Variants in ARNT observed in about 807,000 individuals in gnomAD.
ARNT encodes class E basic helix-loop-helix protein 2.
Under a neutral mutation model 105.0 loss-of-function variants are expected in ARNT, and 30 were observed. The observed-to-expected ratio is 0.29, with a 90% CI of 0.21 to 0.39. ARNT has a LOEUF of 0.39. Ranked by LOEUF, ARNT falls within the 10% of genes least tolerant of loss-of-function variation. The pLI, the probability that ARNT is intolerant of heterozygous loss-of-function variation, is 1.00. For synonymous variants in ARNT, 304 were observed against 344.0 expected (o/e 0.88, Z 1.29); for missense variants, 748 against 978.7 (o/e 0.76, Z 3.15).
At chr1:150,862,763 A>G (rs182481225) in intron 1 of ARNT, among the ~76,000 whole-genome samples, 1 of 149,878 alleles carries the variant, frequency 6.7e-6, no homozygotes, top group Admixed American at 6.7e-5. Flanking sequence ...ATACGTTTAT[A>G]TAGGATATAA....
At chr1:150,844,040 A>G (rs899198122) in intron 4 of ARNT, among the ~76,000 whole-genome samples, 28 of 152,370 alleles carry the variant, frequency 1.8e-4, no homozygotes, top group African/African-American at 6.5e-4. Context: ...CATTCATGCG[A>G]TGTTTTCATG....
chr1:150,834,868 G>T, intron 7 of ARNT: 1 of 456,162 alleles, frequency 2.2e-6, no homozygotes, highest in East Asian at 3.9e-5. Context: ...AAATAACATT[G>T]TGCAAGGAAA....
At chr1:150,849,586 G>C (rs1662931130) in intron 3 of ARNT, among the ~76,000 whole-genome samples, 1 of 151,878 alleles carries the variant, frequency 6.6e-6, no homozygotes, top group Non-Finnish European at 1.5e-5. Context: ...AGGAGTTTAA[G>C]ACCAGCCTGG....
rs1340584344 is a variant in ARNT at position 150,809,719 on chromosome 1, T to A, written c.*2302A>T. 9.9e-6 allele frequency: 2 copies of A among 201,312 alleles called. No individual in the cohort carries two copies. Among genetic ancestry groups the A allele is most frequent in the Non-Finnish European group, 2.0e-5 (2 of 98,364 alleles). The allele number at this position is 201,312 out of a possible 1,614,324, so 12.5% of individuals were successfully genotyped here. A position where few individuals can be genotyped will look rare whatever the true frequency, so the allele number is the denominator to read the frequency against. On this transcript the variant is annotated 3_prime_UTR_variant, in exon 22 of 22. Coordinates refer to ENST00000358595, the MANE Select transcript of ARNT (RefSeq NM_001668.4). ...CAGGTCCAGACTTGAACAGTTTAAA[T>A]TTCACTCATTTTAATCCAGAAAAGG...
intron 1 of ARNT, among the ~76,000 whole-genome samples, chr1:150,860,787 G>A (rs1665498004): frequency 6.6e-6 from 1 of 151,750 alleles, no homozygotes; most frequent in Non-Finnish European, 1.5e-5. Context: ...AACCCAGGAG[G>A]CGGAGACTGC....
At position 150,810,240 on chromosome 1, in the gene ARNT, C is replaced by T. The variant is rs900744150; in HGVS notation, c.*1781G>A. On this transcript the variant is annotated 3_prime_UTR_variant, in exon 22 of 22. Transcript: ENST00000358595. ...CAAAAATAAAACCCTGAAGGAAAAG[C>T]AAAAACAAAACCCCCAGAGCATCTT... The T allele has an allele frequency of 8.6e-6, 2 of 232,856 alleles. No homozygotes were observed. Among genetic ancestry groups the T allele is most frequent in the African/African-American group, 4.4e-5 (2 of 45,248 alleles). 14.4% of individuals were successfully genotyped at this position (232,856 alleles called of 1,614,324 possible). A position where few individuals can be genotyped will look rare whatever the true frequency, so the allele number is the denominator to read the frequency against.
chr1:150,858,766 C>A (rs997111845), intron 1 of ARNT, among the ~76,000 whole-genome samples: 1 of 151,576 alleles, frequency 6.6e-6, no homozygotes, highest in Non-Finnish European at 1.5e-5. Context: ...GGACTATAGG[C>A]CCGCACTACC....
chr1:150,822,108 A>AT (rs1321316170), intron 14 of ARNT, among the ~76,000 whole-genome samples: 4 of 151,710 alleles, frequency 2.6e-5, no homozygotes, highest in Non-Finnish European at 4.4e-5. Flanking sequence ...ACTTTTTCTA[A>AT]TTTTTTCAAT....
chr1:150,812,597 A>G (rs1654960143), intron 21 of ARNT: 1 of 152,928 alleles, frequency 6.5e-6, no homozygotes. Flanking sequence ...AATTTTTTAA[A>G]TGGAACACTT....
chr1:150,832,719 A>G (rs957862276), intron 8 of ARNT, among the ~76,000 whole-genome samples: 1 of 152,224 alleles, frequency 6.6e-6, no homozygotes, highest in African/African-American at 2.4e-5. Context: ...CTCTAGCATT[A>G]TAGCATGAAA....
chr1:150,817,424 T>C lies in ARNT; in HGVS notation c.1515A>G (p.Gln505=), dbSNP rs768720779. 1 of 1,614,196 alleles carries C rather than the reference T, an allele frequency of 6.2e-7. No homozygotes were observed. Among genetic ancestry groups the C allele is most frequent in the South Asian group, 1.1e-5 (1 of 91,078 alleles). ...GTACCATGTCCAATTCTGTTTGCTG[T>C]TGCTGCTGCCTATATGTCAAAGGCC... ...GSGQLAPRQQ[Q]QQTELDMVPG... The change falls in exon 16 of 22, where the codon CAA becomes CAG. Residue 505 remains glutamine, a synonymous_variant. Transcript: ENST00000358595.
intron 4 of ARNT, among the ~76,000 whole-genome samples, chr1:150,845,762 C>T (rs1376249306): frequency 1.3e-5 from 2 of 151,946 alleles, no homozygotes; most frequent in African/African-American, 4.8e-5. Context: ...ATTAGCTGGG[C>T]GTGGTGGCAG....
chr1:150,852,792 T>C lies in ARNT; in HGVS notation c.152A>G (p.Asp51Gly). 1 of 1,614,076 alleles carries C rather than the reference T, an allele frequency of 6.2e-7. No individual in the cohort carries two copies. The highest frequency in any genetic ancestry group is 1.1e-5 in the South Asian group (1 of 91,066). Residue 51 changes from aspartate to glycine, a missense_variant, in exon 3 of 22, where the codon GAT becomes GGT. Around this residue, in one of 4 missense-constraint regions of ARNT, gnomAD observed 93 missense variants for 101.6 expected, o/e 0.92. Coordinates refer to ENST00000358595, the MANE Select transcript of ARNT (RefSeq NM_001668.4). ...IKRRPGLDFD[D>G]DGEGNSKFLR... ...AAATTTACTGTTCCCTTCTCCATCA[T>C]CATCAAAATCCAGCCTGAGGAAAGC...
chr1:150,817,883 T>C, intron 15 of ARNT, 37 bp downstream of exon 15: 1 of 1,522,190 alleles, frequency 6.6e-7, no homozygotes. Context: ...ACCCCCTGGG[T>C]GACTGCTCAA....
chr1:150,836,228 G>GA, intron 7 of ARNT, 52 bp downstream of exon 7: 2 of 1,572,612 alleles, frequency 1.3e-6, no homozygotes, highest in East Asian at 2.3e-5. Flanking sequence ...TAAGTCTCAG[G>GA]AAAAAAACAA....
Position 150,851,729 on chromosome 1 carries a change from G to A in ARNT, c.182+1033C>T, listed in dbSNP as rs12127980. On this transcript the variant is annotated intron_variant, in intron 3 of 21. Coordinates refer to ENST00000358595, the MANE Select transcript of ARNT (RefSeq NM_001668.4). The stretch of plus-strand genomic sequence containing the variant: ...AGGGACACAAACACTGTGGAAGGCC[G>A]CAGGGTCCTCTGCCTAGGAAAACCA... 2.4e-4 allele frequency among the ~76,000 whole-genome samples: 27 copies of A among 113,910 alleles called. No homozygotes were observed. The East Asian group carries it at 7.2e-3, about 30-fold the overall frequency. 74.7% of individuals were successfully genotyped at this position (113,910 alleles called of 152,430 possible). A position where few individuals can be genotyped will look rare whatever the true frequency, so the allele number is the denominator to read the frequency against.
chr1:150,851,516 A>T (rs1663545627), intron 3 of ARNT, among the ~76,000 whole-genome samples: 1 of 152,298 alleles, frequency 6.6e-6, no homozygotes, highest in Non-Finnish European at 1.5e-5. Context: ...TGTACTAAGA[A>T]AAATTCTTCT....
intron 5 of ARNT, 95 bp from the exon 6 acceptor site, chr1:150,839,749 A>T: frequency 7.7e-7 from 1 of 1,290,570 alleles, no homozygotes; most frequent in Non-Finnish European, 1.1e-6. Context: ...GCTGCTGAAG[A>T]ATGTGGTATT....
chr1:150,815,914 TGTAA>T (rs1434791596), intron 19 of ARNT, among the ~76,000 whole-genome samples: 1 of 151,398 alleles, frequency 6.6e-6, no homozygotes, highest in African/African-American at 2.4e-5. Flanking sequence ...CAGACATCAC[TGTAA>T]GTTAGTCATT....
Sources: gnomAD v4.1 joint callset for allele counts (sites outside exome capture counted in the v4.1 genomes callset) on GRCh38, gnomAD v4.1.1 for gene constraint, gnomAD v4.1.1 regional missense constraint, MANE v1.5 for transcripts, NCBI Gene and HGNC (gene_info 2026-07-23, HGNC 2026-07-21) for gene names.